The following DPYD variants were observed in gnomAD, a reference collection of about 807,000 sequenced individuals.
DPYD encodes dihydropyrimidine dehydrogenase [NADP(+)].
A neutral mutation model predicts 116.2 loss-of-function variants in DPYD; 109 were observed. The ratio of observed to expected loss-of-function variants is 0.94; its 90% confidence interval spans 0.80 to 1.10. The LOEUF (loss-of-function observed/expected upper bound fraction) is 1.10, where lower values mean the gene tolerates loss of function less well. Among genes scored for constraint, DPYD ranks in the 50% least tolerant of loss-of-function variants. DPYD has a pLI of 0.00. For missense variants in DPYD, 1,302 were observed against 1,254.5 expected (o/e 1.04, Z -0.57); for synonymous variants, 440 against 432.0 (o/e 1.02, Z -0.23).
intron 18 of DPYD, among the ~76,000 whole-genome samples, chr1:97,247,764 A>T (rs775023496): frequency 2.0e-5 from 3 of 152,218 alleles, no homozygotes; most frequent in African/African-American, 2.4e-5. Context: ...AGTGAAATGC[A>T]CAAATTCCAT....
At chr1:97,306,433 T>C (rs1048423229) in intron 16 of DPYD, 136 bp from the exon 17 acceptor site, 5 of 1,193,886 alleles carry the variant, frequency 4.2e-6, no homozygotes, top group South Asian at 1.2e-5. Context: ...ATTTCTCAAA[T>C]TCCTCCTCAG....
At chr1:97,229,953 A>G (rs1661475989) in intron 19 of DPYD, among the ~76,000 whole-genome samples, 1 of 152,124 alleles carries the variant, frequency 6.6e-6, no homozygotes, top group Non-Finnish European at 1.5e-5. Flanking sequence ...TCTGGTAAAA[A>G]CAAAACAAAA....
Position 97,378,792 on chromosome 1 carries a change from G to A in DPYD, c.1974+3601C>T, listed in dbSNP as rs74105142. 8.4e-3 allele frequency among the ~76,000 whole-genome samples: 1,276 copies of A among 152,234 alleles called. 11 individuals are homozygous for A. Among genetic ancestry groups the A allele is most frequent in the African/African-American group, 0.029 (1,189 of 41,544 alleles). ...ACCATGCAAGGGTCTCGACCCCCACGGAACTTGCTTTCTAACAAGCAGGAC... is the reference window on the plus strand; with the variant it reads ...ACCATGCAAGGGTCTCGACCCCCACAGAACTTGCTTTCTAACAAGCAGGAC... On this transcript the variant is annotated intron_variant, in intron 15 of 22. Transcript: ENST00000370192.
At chr1:97,879,950 A>G (rs1394922523) in intron 2 of DPYD, among the ~76,000 whole-genome samples, 1 of 151,806 alleles carries the variant, frequency 6.6e-6, no homozygotes, top group Non-Finnish European at 1.5e-5. Context: ...AAAAACTTCT[A>G]TAATTGTTGA....
chr1:97,306,001 G>A (rs948001878), intron 17 of DPYD, among the ~76,000 whole-genome samples, 176 bp downstream of exon 17: 19 of 151,896 alleles, frequency 1.3e-4, no homozygotes, highest in African/African-American at 4.1e-4. Context: ...CAATTTGCTA[G>A]CATGAGTCCA....
At chr1:97,516,064 AT>A in intron 12 of DPYD, 123 bp from the exon 13 acceptor site, 1 of 1,051,220 alleles carries the variant, frequency 9.5e-7, no homozygotes, top group Non-Finnish European at 1.4e-6. Context: ...TCTGTTTACA[AT>A]GAAAAAAACT....
chr1:97,349,841 T>C (rs1384014188), intron 16 of DPYD, among the ~76,000 whole-genome samples: 2 of 151,938 alleles, frequency 1.3e-5, no homozygotes, highest in African/African-American at 2.4e-5. Context: ...GCATGATTTA[T>C]AATCCTTTGG....
chr1:97,147,649 A>G (rs908515735), intron 20 of DPYD, among the ~76,000 whole-genome samples: 3 of 152,168 alleles, frequency 2.0e-5, no homozygotes. Context: ...ACTATCCAAA[A>G]TGCTCCTTCC....
intron 21 of DPYD, among the ~76,000 whole-genome samples, chr1:97,087,095 G>C (rs988582189): frequency 2.6e-5 from 4 of 152,290 alleles, no homozygotes; most frequent in African/African-American, 7.2e-5. Context: ...ATGCTCCCAA[G>C]TCAAAAGCTG....
intron 3 of DPYD, among the ~76,000 whole-genome samples, chr1:97,772,115 A>C (rs1666174964): frequency 6.6e-6 from 1 of 152,134 alleles, no homozygotes; most frequent in African/African-American, 2.4e-5. Context: ...AAATTTTTTT[A>C]TCTCTTTAAA....
rs72734089 is a variant in DPYD, at chr1:97,910,929, T to C, written c.39+9955A>G. ...TCTTATTTACATTTTTTTATTTTACTCTTACATTAAAATGTTGTTAAAATA... is the reference window on the plus strand; with the variant it reads ...TCTTATTTACATTTTTTTATTTTACCCTTACATTAAAATGTTGTTAAAATA... On this transcript the variant is annotated intron_variant, in intron 1 of 22. Transcript: ENST00000370192. Among the ~76,000 whole-genome samples, 914 of 152,178 alleles carry C rather than the reference T, an allele frequency of 6.0e-3. 7 individuals are homozygous for C. The highest frequency in any genetic ancestry group is 0.021 in the African/African-American group (854 of 41,544).
intron 20 of DPYD, among the ~76,000 whole-genome samples, chr1:97,141,158 C>G (rs1377221288): frequency 6.6e-6 from 1 of 152,108 alleles, no homozygotes; most frequent in Non-Finnish European, 1.5e-5. Context: ...CTTGCATTTT[C>G]TAACACAGTC....
At chr1:97,558,176 C>T (rs1278682770) in intron 11 of DPYD, among the ~76,000 whole-genome samples, 1 of 152,130 alleles carries the variant, frequency 6.6e-6, no homozygotes, top group African/African-American at 2.4e-5. Context: ...CCCCCCCTTT[C>T]TAGTGAATTA....
rs138331498 is a variant in DPYD, at chr1:97,510,016, G to T, written c.1740+5710C>A. 2.1e-3 allele frequency among the ~76,000 whole-genome samples: 313 copies of T among 151,952 alleles called. 1 individual carries two copies. The highest frequency in any genetic ancestry group is 7.3e-3 in the African/African-American group (303 of 41,484). On this transcript the variant is annotated intron_variant, in intron 13 of 22. Coordinates refer to ENST00000370192, the MANE Select transcript of DPYD (RefSeq NM_000110.4). ...AATTCAAAACAAAGAGAGGAATAGG[G>T]TGCTATAACTTTATTTGGGCAGGAA...
intron 11 of DPYD, among the ~76,000 whole-genome samples, chr1:97,562,637 T>C (rs2102139203): frequency 6.6e-6 from 1 of 152,272 alleles, no homozygotes; most frequent in East Asian, 1.9e-4. Context: ...ACATTTGAAT[T>C]GAGTAGCTTC....
intron 7 of DPYD, among the ~76,000 whole-genome samples, chr1:97,682,752 C>T (rs1660493787): frequency 6.6e-6 from 1 of 152,012 alleles, no homozygotes; most frequent in Admixed American, 6.6e-5. Context: ...ATTCCTTGTA[C>T]TTTTACATAT....
intron 16 of DPYD, among the ~76,000 whole-genome samples, chr1:97,345,513 G>A (rs1037131660): frequency 3.9e-5 from 6 of 151,950 alleles, no homozygotes; most frequent in African/African-American, 1.4e-4. Context: ...CAAAAATGGA[G>A]TCCAAGTGGA....
intron 1 of DPYD, among the ~76,000 whole-genome samples, chr1:97,912,454 G>A (rs2101709919): frequency 6.6e-6 from 1 of 152,140 alleles, no homozygotes; most frequent in East Asian, 1.9e-4. Flanking sequence ...CTTTTGATAG[G>A]ACAAGAAAAC....
chr1:97,506,287 A>C (rs889687489), intron 13 of DPYD, among the ~76,000 whole-genome samples: 1 of 151,970 alleles, frequency 6.6e-6, no homozygotes, highest in African/African-American at 2.4e-5. Flanking sequence ...ATTAAAAAGC[A>C]ATAAAGAAAA....
Sources: gnomAD v4.1 joint callset for allele counts (sites outside exome capture counted in the v4.1 genomes callset) on GRCh38, gnomAD v4.1.1 for gene constraint, MANE v1.5 for transcripts, NCBI Gene and HGNC (gene_info 2026-07-23, HGNC 2026-07-21) for gene names.